The following ADAMTSL3 variants were observed in gnomAD, a reference collection of about 807,000 sequenced individuals.
ADAMTSL3 encodes ADAMTS like 3, also known as ADAMTS-like protein 3.
ADAMTSL3 carries 128 observed loss-of-function variants against 201.7 expected under a neutral mutation model. That is an observed-to-expected ratio of 0.63 (90% CI 0.55 to 0.73). ADAMTSL3 has a LOEUF of 0.73. Ranked by LOEUF, ADAMTSL3 falls within the 30% of genes least tolerant of loss-of-function variation. The probability of loss-of-function intolerance (pLI) is 0.00; values close to 1 mark genes in which losing one functional copy is unlikely to be tolerated. For synonymous variants in ADAMTSL3, 738 were observed against 748.4 expected (o/e 0.99, Z 0.23); for missense variants, 1,990 against 2,119.6 (o/e 0.94, Z 1.20).
chr15:83,992,471 C>T (rs2067598845), intron 23 of ADAMTSL3, among the ~76,000 whole-genome samples: 2 of 152,328 alleles, frequency 1.3e-5, no homozygotes, highest in Admixed American at 6.5e-5. Flanking sequence ...AAAGGGCCGG[C>T]ATTCTCTGGC....
intron 3 of ADAMTSL3, among the ~76,000 whole-genome samples, chr15:83,730,460 C>T (rs376165943): frequency 7.6e-4 from 115 of 152,170 alleles, no homozygotes; most frequent in East Asian, 3.7e-3. Context: ...GGATCCTCCT[C>T]GGAGTGGTGC....
At chr15:83,857,666 A>C (rs574351550) in intron 7 of ADAMTSL3, among the ~76,000 whole-genome samples, 49 of 152,308 alleles carry the variant, frequency 3.2e-4, no homozygotes, top group African/African-American at 1.2e-3. Flanking sequence ...TTAGAAAAAG[A>C]TTTATTTTGT....
chr15:83,824,170 C>G (rs187435685), intron 6 of ADAMTSL3, among the ~76,000 whole-genome samples: 1 of 151,840 alleles, frequency 6.6e-6, no homozygotes, highest in Non-Finnish European at 1.5e-5. Context: ...CAGCCTCCCA[C>G]GTAGCTGGGA....
intron 2 of ADAMTSL3, among the ~76,000 whole-genome samples, chr15:83,690,157 C>T (rs2061592691): frequency 6.6e-6 from 1 of 152,116 alleles, no homozygotes; most frequent in South Asian, 2.1e-4. Flanking sequence ...CATTTGTCTC[C>T]TGGAATGTTA....
At chr15:83,815,109 T>A (rs1281536477) in intron 5 of ADAMTSL3, among the ~76,000 whole-genome samples, 1 of 152,180 alleles carries the variant, frequency 6.6e-6, no homozygotes, top group African/African-American at 2.4e-5. Context: ...CCTATCCTTC[T>A]CCTCCTCTTT....
In ADAMTSL3 at chr15:83,982,596, A is replaced by G. The variant is rs1466359884; in HGVS notation, c.2968A>G (p.Thr990Ala). The G allele has an allele frequency of 6.2e-7, 1 of 1,614,060 alleles. No homozygotes were observed. The highest frequency in any genetic ancestry group is 1.3e-5 in the African/African-American group (1 of 74,922). ...YRCIAGSAQE[T>A]VVLKLIGTDN... ...GTGCATTGCAGGCTCTGCACAGGAA[A>G]CAGTTGTGCTCAAGCTCATTGGTAC... is the stretch of plus-strand genomic sequence containing the variant. The change falls in exon 21 of 30, where the codon ACA becomes GCA. Residue 990 changes from threonine to alanine, a missense_variant. Coordinates refer to ENST00000286744, the MANE Select transcript of ADAMTSL3 (RefSeq NM_207517.3).
chr15:83,665,888 G>GAGTAACTAT (rs1399262395), intron 2 of ADAMTSL3, among the ~76,000 whole-genome samples: 2 of 152,006 alleles, frequency 1.3e-5, no homozygotes, highest in Non-Finnish European at 2.9e-5. Context: ...AAACAAAGAA[G>GAGTAACTAT]AGTAACTATT....
chr15:83,708,357 A>G (rs2061882081), intron 3 of ADAMTSL3, among the ~76,000 whole-genome samples: 1 of 152,228 alleles, frequency 6.6e-6, no homozygotes, highest in African/African-American at 2.4e-5. Context: ...GGCGCATTTC[A>G]TGAAGACCTT....
intron 10 of ADAMTSL3, among the ~76,000 whole-genome samples, chr15:83,886,888 A>C (rs1033780954): frequency 6.6e-6 from 1 of 152,190 alleles, no homozygotes; most frequent in African/African-American, 2.4e-5. Context: ...GCCCAAGAAG[A>C]AGTTTATGTC....
At chr15:83,746,468 C>T (rs988189070) in intron 3 of ADAMTSL3, among the ~76,000 whole-genome samples, 2 of 151,922 alleles carry the variant, frequency 1.3e-5, no homozygotes, top group Non-Finnish European at 1.5e-5. Flanking sequence ...GTCACAAATC[C>T]TCTGTTTGCT....
intron 19 of ADAMTSL3, among the ~76,000 whole-genome samples, chr15:83,965,935 T>G (rs1048564841): frequency 1.3e-5 from 2 of 152,190 alleles, no homozygotes; most frequent in Non-Finnish European, 2.9e-5. Flanking sequence ...GAATGACTAC[T>G]GGGTGAATAA....
chr15:83,874,182 C>T lies in ADAMTSL3; in HGVS notation c.960+3223C>T, dbSNP rs554318754. Among the ~76,000 whole-genome samples the T allele has an allele frequency of 7.1e-5, 9 of 126,882 alleles. 1 individual carries two copies. The highest frequency in any genetic ancestry group is 1.2e-4 in the African/African-American group (4 of 34,568). The allele number at this position is 126,882 out of a possible 152,430, so 83.2% of individuals were successfully genotyped here. On this transcript the variant is annotated intron_variant, in intron 9 of 29. Transcript: ENST00000286744. ...GCGCCAGGACAAAGGAAGCGGGCAGCGAGCCATGAAATTCATGATGGTGGT... is the reference window on the plus strand; with the variant it reads ...GCGCCAGGACAAAGGAAGCGGGCAGTGAGCCATGAAATTCATGATGGTGGT...
chr15:83,796,550 A>G (rs1188513720), intron 4 of ADAMTSL3, among the ~76,000 whole-genome samples: 3 of 152,226 alleles, frequency 2.0e-5, no homozygotes, highest in Non-Finnish European at 4.4e-5. Flanking sequence ...TCAACATCAT[A>G]AACATACCAA....
chr15:83,886,105 G>T (rs1056093541), intron 10 of ADAMTSL3, among the ~76,000 whole-genome samples: 1 of 152,204 alleles, frequency 6.6e-6, no homozygotes, highest in African/African-American at 2.4e-5. Context: ...TACAAAAGCA[G>T]CATCTTTCAT....
intron 2 of ADAMTSL3, among the ~76,000 whole-genome samples, chr15:83,686,436 T>G (rs971579439): frequency 5.3e-5 from 8 of 152,234 alleles, no homozygotes; most frequent in African/African-American, 1.9e-4. Flanking sequence ...ACTTCATGTC[T>G]TGGATTATGC....
intron 10 of ADAMTSL3, 117 bp downstream of exon 10, chr15:83,885,329 A>G: frequency 3.9e-6 from 3 of 770,246 alleles, no homozygotes; most frequent in Non-Finnish European, 6.6e-6. Context: ...CTCATCACAC[A>G]GCACCTTACT....
At chr15:83,879,386 G>A (rs1478316679) in intron 9 of ADAMTSL3, among the ~76,000 whole-genome samples, 2 of 151,808 alleles carry the variant, frequency 1.3e-5, no homozygotes, top group African/African-American at 4.8e-5. Context: ...GTACATTTAA[G>A]TCTATAAATT....
intron 6 of ADAMTSL3, among the ~76,000 whole-genome samples, chr15:83,824,077 T>C (rs1239317753): frequency 6.6e-6 from 1 of 150,990 alleles, no homozygotes; most frequent in Non-Finnish European, 1.5e-5. Context: ...CAGGGTCTCA[T>C]CTGTCACCCA....
intron 2 of ADAMTSL3, among the ~76,000 whole-genome samples, chr15:83,682,909 C>G (rs1022485009): frequency 1.7e-4 from 26 of 152,182 alleles, no homozygotes; most frequent in African/African-American, 6.3e-4. Context: ...ATTAACTTTT[C>G]TCCCTGGGTG....
Sources: allele counts gnomAD v4.1 joint callset (sites outside exome capture counted in the v4.1 genomes callset), GRCh38; gene constraint gnomAD v4.1.1; transcripts MANE v1.5; gene names NCBI Gene and HGNC (gene_info 2026-07-23, HGNC 2026-07-21).